Variants in BBS2 observed in about 807,000 individuals in gnomAD.
The protein encoded by BBS2 is Bardet-Biedl syndrome 2.
BBS2 carries 62 observed loss-of-function variants against 83.0 expected under a neutral mutation model. The observed-to-expected ratio is 0.75, with a 90% CI of 0.61 to 0.92. BBS2 has a LOEUF of 0.92. Ranked by LOEUF, BBS2 falls within the 40% of genes least tolerant of loss-of-function variation. The pLI, the probability that BBS2 is intolerant of heterozygous loss-of-function variation, is 0.00. For missense variants in BBS2, 784 were observed against 901.0 expected (o/e 0.87, Z 1.66); for synonymous variants, 303 against 326.1 (o/e 0.93, Z 0.76).
intron 17 of BBS2, among the ~76,000 whole-genome samples, chr16:56,472,539 C>A (rs1963247424): frequency 6.6e-6 from 1 of 152,092 alleles, no homozygotes; most frequent in Non-Finnish European, 1.5e-5. Flanking sequence ...TAAACATTGG[C>A]ATAGCTAGGG....
At position 56,502,750 on chromosome 16, in the gene BBS2, G is replaced by A. The variant is rs749832092; in HGVS notation, c.863C>T (p.Ala288Val). ...ATCTCCCTCTACCACACCGGCAATT[G>A]CAGAAGAAAAATTGTCCTTAAAGAT... ...EVIFKDNFSS[A>V]IAGVVEGDYR... The change falls in exon 8 of 17, where the codon GCA becomes GTA. Residue 288 changes from alanine (A) to valine (V), a missense_variant. Transcript: ENST00000245157. 1 of 1,614,102 alleles carries A rather than the reference G, an allele frequency of 6.2e-7. No homozygotes were observed. The highest frequency in any genetic ancestry group is 1.1e-5 in the South Asian group (1 of 91,080).
intron 12 of BBS2, 23 bp from the exon 13 acceptor site, chr16:56,498,591 T>C (rs1351721165): frequency 4.4e-5 from 71 of 1,613,718 alleles, no homozygotes; most frequent in Non-Finnish European, 5.5e-5. Flanking sequence ...CACAATGAAA[T>C]GACCTCCATT....
At chr16:56,510,405 C>T (rs1477240472) in intron 4 of BBS2, among the ~76,000 whole-genome samples, 2 of 152,218 alleles carry the variant, frequency 1.3e-5, no homozygotes, top group African/African-American at 2.4e-5. Flanking sequence ...CGGTGCCCAA[C>T]ACAGCACGTC....
At chr16:56,494,505 C>T (rs1186095204) in intron 15 of BBS2, among the ~76,000 whole-genome samples, 3 of 152,020 alleles carry the variant, frequency 2.0e-5, no homozygotes, top group East Asian at 1.9e-4. Flanking sequence ...AACCAGGACT[C>T]GAGAGAAATG....
chr16:56,500,083 G>C (rs1964222402), intron 11 of BBS2, 176 bp from the exon 12 acceptor site: 2 of 662,932 alleles, frequency 3.0e-6, no homozygotes, highest in South Asian at 1.7e-5. Context: ...TATTAGGTTT[G>C]GGATTTAAAG....
chr16:56,501,595 T>C, intron 9 of BBS2, 98 bp from the exon 10 acceptor site: 3 of 1,443,146 alleles, frequency 2.1e-6, no homozygotes, highest in Non-Finnish European at 2.9e-6. Context: ...AGACAGAGCC[T>C]CCAGCATATT....
intron 15 of BBS2, among the ~76,000 whole-genome samples, chr16:56,487,466 G>A (rs1469990324): frequency 6.6e-6 from 1 of 152,074 alleles, no homozygotes; most frequent in Non-Finnish European, 1.5e-5. Flanking sequence ...ATAAGATAAT[G>A]TAAAAAATAT....
chr16:56,509,817 T>C, intron 5 of BBS2, 140 bp downstream of exon 5: 3 of 769,780 alleles, frequency 3.9e-6, no homozygotes, highest in Non-Finnish European at 6.9e-6. Flanking sequence ...AACATACAGC[T>C]CTGTCTGACC....
chr16:56,519,583 C>T (rs997621736), intron 1 of BBS2, 163 bp downstream of exon 1: 12 of 619,320 alleles, frequency 1.9e-5, no homozygotes, highest in Non-Finnish European at 2.9e-5. Context: ...CTCTAAGACC[C>T]CACTGTCCTC....
rs961220405 is a variant in BBS2, at chr16:56,506,343, C to T, written c.613-119G>A. 24 of 775,670 alleles carry T rather than the reference C, an allele frequency of 3.1e-5. No homozygotes were observed. The Middle Eastern group carries it at 9.1e-4, about 29-fold the overall frequency. 48.0% of individuals were successfully genotyped at this position (775,670 alleles called of 1,614,324 possible). A position where few individuals can be genotyped will look rare whatever the true frequency, so the allele number is the denominator to read the frequency against. On this transcript the variant is annotated intron_variant, in intron 5 of 16. Coordinates refer to ENST00000245157, the MANE Select transcript of BBS2 (RefSeq NM_031885.5). ...ACTATGTTAAAATTAGATTTAAAAG[C>T]GCTTCCAATCCATTAGTGGGGAATG...
At chr16:56,480,990 T>A (rs1963652864), downstream of BBS2, among the ~76,000 whole-genome samples, 1 of 152,126 alleles carries the variant, frequency 6.6e-6, no homozygotes, top group Admixed American at 6.5e-5. Flanking sequence ...AGGGGCCAGA[T>A]GGAAAAGAGG....
At chr16:56,501,104 G>T (rs1964258062) in intron 10 of BBS2, 79 bp from the exon 11 acceptor site, 1 of 1,500,190 alleles carries the variant, frequency 6.7e-7, no homozygotes, top group Non-Finnish European at 9.3e-7. Flanking sequence ...AGGTCAGGAG[G>T]TCGAGACCAT....
intron 1 of BBS2, chr16:56,516,096 GCAA>G (rs1177805827): frequency 6.6e-6 from 1 of 152,230 alleles, no homozygotes; most frequent in East Asian, 1.9e-4. Flanking sequence ...TTTGTCAAGA[GCAA>G]CAAGGATCTC....
chr16:56,511,417 C>CA (rs1307791558), intron 2 of BBS2, 133 bp from the exon 3 acceptor site: 2 of 1,201,196 alleles, frequency 1.7e-6, no homozygotes, highest in African/African-American at 3.0e-5. Flanking sequence ...GGGTGGGCCT[C>CA]ACACATTAAC....
At chr16:56,471,867 G>A (rs1963202935) in intron 17 of BBS2, among the ~76,000 whole-genome samples, 1 of 152,218 alleles carries the variant, frequency 6.6e-6, no homozygotes, top group African/African-American at 2.4e-5. Context: ...ATTGATACTG[G>A]CATTTATGCC....
At chr16:56,511,830 C>G (rs1293127870) in intron 2 of BBS2, among the ~76,000 whole-genome samples, 1 of 152,166 alleles carries the variant, frequency 6.6e-6, no homozygotes, top group African/African-American at 2.4e-5. Context: ...AAAGTCCTAA[C>G]CACTAAAGAA....
In BBS2 at chr16:56,485,812, T is replaced by TA; in HGVS notation, c.1911-75dup. ...GCTTAAGAAAAACTTGCAAATTTCTTAGACATACAAAGAAAAGACACCATT... is the reference window on the plus strand; with the variant it reads ...GCTTAAGAAAAACTTGCAAATTTCTTAAGACATACAAAGAAAAGACACCATT... On this transcript the variant is annotated intron_variant, in intron 15 of 16. Coordinates refer to ENST00000245157, the MANE Select transcript of BBS2 (RefSeq NM_031885.5). The TA allele has an allele frequency of 4.2e-6, 6 of 1,412,810 alleles. No homozygotes were observed. In the South Asian group the frequency reaches 7.0e-5, roughly 17 times the overall value. 87.5% of individuals were successfully genotyped at this position (1,412,810 alleles called of 1,614,324 possible).
intron 7 of BBS2, 71 bp downstream of exon 7, chr16:56,505,879 A>C (rs1964407869): frequency 8.5e-7 from 1 of 1,171,782 alleles, no homozygotes; most frequent in Non-Finnish European, 1.3e-6. Context: ...TACTGTTCTA[A>C]GTCCTACAGC....
intron 2 of BBS2, among the ~76,000 whole-genome samples, chr16:56,512,364 A>G (rs1347398291): frequency 2.0e-5 from 3 of 152,192 alleles, no homozygotes; most frequent in South Asian, 2.1e-4. Flanking sequence ...ATTAAAACAT[A>G]TATCTACAAA....
Sources: allele counts gnomAD v4.1 joint callset (sites outside exome capture counted in the v4.1 genomes callset), GRCh38; gene constraint gnomAD v4.1.1; transcripts MANE v1.5; gene names NCBI Gene and HGNC (gene_info 2026-07-23, HGNC 2026-07-21).